ITGA11: variants seen among roughly 807,000 people sequenced by gnomAD.
The protein encoded by ITGA11 is integrin alpha-11.
In ITGA11, 97 loss-of-function variants were observed where a neutral mutation model predicts 141.9. That is an observed-to-expected ratio of 0.68 (90% CI 0.58 to 0.81). The LOEUF is 0.81. ITGA11 is among the 30% of genes least tolerant of loss of function. ITGA11 has a pLI of 0.00. For missense variants in ITGA11, 1,387 were observed against 1,559.2 expected, an observed-to-expected ratio of 0.89 and a Z score of 1.86; for synonymous variants, 658 against 624.6, an observed-to-expected ratio of 1.05 and a Z score of -0.80.
At chr15:68,332,265 C>A in intron 13 of ITGA11, 73 bp downstream of exon 13, 1 of 1,511,388 alleles carries the variant, frequency 6.6e-7, no homozygotes, top group Non-Finnish European at 8.9e-7. Flanking sequence ...TAACGCATTT[C>A]CGTCGTGGCT....
chr15:68,387,285 C>G lies in ITGA11; in HGVS notation c.164+15633G>C, dbSNP rs116571847. 2.9e-3 allele frequency among the ~76,000 whole-genome samples: 441 copies of G among 151,700 alleles called. 6 individuals are homozygous for G. Among genetic ancestry groups the G allele is most frequent in the African/African-American group, 0.01 (429 of 41,340 alleles). On this transcript the variant is annotated intron_variant, in intron 2 of 29. Coordinates refer to ENST00000315757, the MANE Select transcript of ITGA11 (RefSeq NM_001004439.2). ...TCCGCTGTCTCTGGGCTCTCCCTGGCCCCACAGATGGAGGCATCTACACGG... is the reference window on the plus strand; with the variant it reads ...TCCGCTGTCTCTGGGCTCTCCCTGGGCCCACAGATGGAGGCATCTACACGG...
In ITGA11 at chr15:68,325,243, T is replaced by TG. The variant is rs1567129323; in HGVS notation, c.2212-3dup. The stretch of plus-strand genomic sequence containing the variant: ...TGGCTTCACGTAGTCAGCAGTGTCC[T>TG]GGGGGGTGGAGATGAGGGCAGCGGT... On this transcript the variant is annotated splice_region_variant and splice_polypyrimidine_tract_variant and intron_variant, in intron 17 of 29. Transcript: ENST00000315757. The surrounding 1 kb of genome is among the most constrained non-coding windows in gnomAD (Gnocchi z 5.5). 4.4e-6 allele frequency: 7 copies of TG among 1,608,690 alleles called. No homozygotes were observed. The highest frequency in any genetic ancestry group is 6.0e-6 in the Non-Finnish European group (7 of 1,175,176).
At position 68,303,235 on chromosome 15, in the gene ITGA11, C is replaced by T. The variant is rs2140258286; in HGVS notation, c.3496-105G>A. On this transcript the variant is annotated intron_variant, in intron 29 of 29. Transcript: ENST00000315757. The surrounding 1 kb of genome is among the most constrained non-coding windows in gnomAD (Gnocchi z 5.3). ...CCTTGGGATTCCTCCCTCAGGGCTT[C>T]CTTGAGTACCCCCAGCTCATTCTGA... 1.1e-6 allele frequency: 1 copy of T among 924,986 alleles called. No homozygotes were observed. The allele number at this position is 924,986 out of a possible 1,614,324, so 57.3% of individuals were successfully genotyped here.
chr15:68,332,839 A>G (rs1894220081), intron 12 of ITGA11, among the ~76,000 whole-genome samples: 1 of 151,360 alleles, frequency 6.6e-6, no homozygotes, highest in Non-Finnish European at 1.5e-5. Context: ...AACTACCACG[A>G]ACGTTTTAGT....
intron 1 of ITGA11, among the ~76,000 whole-genome samples, chr15:68,409,211 C>T (rs1047349102): frequency 7.9e-5 from 12 of 152,156 alleles, no homozygotes; most frequent in Non-Finnish European, 1.6e-4. Context: ...AGTGGTCCTT[C>T]CTCTGGGGCC....
At chr15:68,360,298 A>AC (rs1284395749) in intron 5 of ITGA11, among the ~76,000 whole-genome samples, 2 of 152,194 alleles carry the variant, frequency 1.3e-5, no homozygotes, top group Admixed American at 6.5e-5. Flanking sequence ...TAATCTTTTA[A>AC]CAGGTTATTT....
intron 26 of ITGA11, among the ~76,000 whole-genome samples, chr15:68,310,191 C>T (rs1267916645): frequency 1.3e-5 from 2 of 152,034 alleles, no homozygotes; most frequent in African/African-American, 4.8e-5. Context: ...AGAGTAATAC[C>T]TCAAGATCAT....
chr15:68,344,595 G>T (rs11632266), intron 10 of ITGA11, among the ~76,000 whole-genome samples: 150,666 of 151,986 alleles, frequency 0.99, 74,690 homozygotes, highest in Middle Eastern at 1. Context: ...TCGAAGACTC[G>T]GTAATCCCAT....
chr15:68,383,256 G>A (rs996791449), intron 2 of ITGA11, among the ~76,000 whole-genome samples: 1 of 150,998 alleles, frequency 6.6e-6, no homozygotes, highest in Non-Finnish European at 1.5e-5. Context: ...GGTCGACAGA[G>A]CGAGGCTCTG....
chr15:68,394,746 G>A (rs1297878497), intron 2 of ITGA11, among the ~76,000 whole-genome samples: 1 of 151,878 alleles, frequency 6.6e-6, no homozygotes. Context: ...ATGAAAAAGA[G>A]GATATATAGA....
At chr15:68,380,067 A>C (rs1265672142) in intron 2 of ITGA11, among the ~76,000 whole-genome samples, 1 of 152,190 alleles carries the variant, frequency 6.6e-6, no homozygotes, top group Non-Finnish European at 1.5e-5. Context: ...CCAGCAAGGA[A>C]GATATTCCCA....
chr15:68,321,574 G>A lies in ITGA11; in HGVS notation c.2323-71C>T, dbSNP rs946381576. 5 of 937,346 alleles carry A rather than the reference G, an allele frequency of 5.3e-6. No individual in the cohort carries two copies. The East Asian group carries it at 1.1e-4, about 21-fold the overall frequency. The allele number at this position is 937,346 out of a possible 1,614,324, so 58.1% of individuals were successfully genotyped here. ...AGCCCCTCGCCCTCAATGTACACCA[G>A]CTCTGTCTCCACCACACTAGACATG... is the stretch of plus-strand genomic sequence containing the variant. On this transcript the variant is annotated intron_variant, in intron 18 of 29. Transcript: ENST00000315757. The surrounding 1 kb of genome is among the most constrained non-coding windows in gnomAD (Gnocchi z 4.9).
chr15:68,325,787 G>A lies in ITGA11; in HGVS notation c.2212-546C>T, dbSNP rs1325732598. Among the ~76,000 whole-genome samples, 1 of 152,206 alleles carries A rather than the reference G, an allele frequency of 6.6e-6. No homozygotes were observed. Among genetic ancestry groups the A allele is most frequent in the East Asian group, 1.9e-4 (1 of 5,194 alleles). On this transcript the variant is annotated intron_variant, in intron 17 of 29. Coordinates refer to ENST00000315757, the MANE Select transcript of ITGA11 (RefSeq NM_001004439.2). The surrounding 1 kb of genome is among the most constrained non-coding windows in gnomAD (Gnocchi z 5.5). ...GCTCAGGTTGGTTCTGAGCATAGAT[G>A]GTAAGTAAAGGGGTTGCTTAGAGCA...
chr15:68,359,289 C>T (rs1460291845), intron 5 of ITGA11, among the ~76,000 whole-genome samples: 1 of 152,150 alleles, frequency 6.6e-6, no homozygotes, highest in East Asian at 1.9e-4. Flanking sequence ...ATCATCAGGT[C>T]AAGCTCTCGT....
At chr15:68,381,858 A>G (rs1895870273) in intron 2 of ITGA11, among the ~76,000 whole-genome samples, 1 of 152,124 alleles carries the variant, frequency 6.6e-6, no homozygotes, top group Admixed American at 6.5e-5. Flanking sequence ...ACCCAGCTAC[A>G]TTCCAATTTT....
chr15:68,382,387 G>A (rs1433851066), intron 2 of ITGA11, among the ~76,000 whole-genome samples: 1 of 152,070 alleles, frequency 6.6e-6, no homozygotes, highest in East Asian at 1.9e-4. Flanking sequence ...ACTTTAGCGG[G>A]GCCCTTCCAA....
chr15:68,327,674 A>C (rs548260733), intron 16 of ITGA11, among the ~76,000 whole-genome samples: 1 of 151,938 alleles, frequency 6.6e-6, no homozygotes, highest in South Asian at 2.1e-4. Context: ...ACTCACACCC[A>C]CTTCTGAGCG....
chr15:68,370,221 C>T (rs575795960), intron 2 of ITGA11, among the ~76,000 whole-genome samples: 3 of 152,246 alleles, frequency 2.0e-5, no homozygotes, highest in Non-Finnish European at 4.4e-5. Flanking sequence ...TTATGGCGGC[C>T]GTAAGGAACT....
chr15:68,299,344 G>A lies in ITGA11; in HGVS notation c.*3715C>T, dbSNP rs560297327. 9 of 152,042 alleles carry A rather than the reference G, an allele frequency of 5.9e-5. No individual in the cohort carries two copies. The highest frequency in any genetic ancestry group is 1.3e-4 in the Admixed American group (2 of 15,274). The allele number at this position is 152,042 out of a possible 1,614,324, so 9.4% of individuals were successfully genotyped here. ...ACAAAAGCACTGTGCAGATTTTAAC[G>A]TGGCCAGTTAGGCCTGGCTGTCCTT... is the stretch of plus-strand genomic sequence containing the variant. On this transcript the variant is annotated 3_prime_UTR_variant, in exon 30 of 30. Coordinates refer to ENST00000315757, the MANE Select transcript of ITGA11 (RefSeq NM_001004439.2).
Sources: gnomAD v4.1 joint callset for allele counts (sites outside exome capture counted in the v4.1 genomes callset) on GRCh38, gnomAD v4.1.1 for gene constraint, Gnocchi (gnomAD v3.1) non-coding constraint, MANE v1.5 for transcripts, NCBI Gene and HGNC (gene_info 2026-07-23, HGNC 2026-07-21) for gene names.